Variants in MSL2 observed in about 807,000 individuals in gnomAD.
MSL2 encodes MSL complex subunit 2, also known as E3 ubiquitin-protein ligase MSL2.
Under a neutral mutation model 35.8 loss-of-function variants are expected in MSL2, and 2 were observed. The ratio of observed to expected loss-of-function variants is 0.06; its 90% confidence interval spans 0.02 to 0.18. The LOEUF is 0.18. Among genes scored for constraint, MSL2 ranks in the 10% least tolerant of loss-of-function variants. The probability of loss-of-function intolerance (pLI) is 1.00; values close to 1 mark genes in which losing one functional copy is unlikely to be tolerated. For missense variants in MSL2, 523 were observed against 706.7 expected, an observed-to-expected ratio of 0.74 and a Z score of 2.95; for synonymous variants, 296 against 255.7, an observed-to-expected ratio of 1.16 and a Z score of -1.50.
Position 136,151,004 on chromosome 3 carries a change from T to TAAC in MSL2, c.*140_*142dup. On this transcript the variant is annotated 3_prime_UTR_variant, in exon 2 of 2. Coordinates refer to ENST00000309993, the MANE Select transcript of MSL2 (RefSeq NM_018133.4). The surrounding 1 kb of genome is among the most constrained non-coding windows in gnomAD (Gnocchi z 5.2). ...TATCTGCAAACTATTTCCCCGACAC[T>TAAC]AACACATATAACTTAGCAATGAAAA... is the stretch of plus-strand genomic sequence containing the variant. 1.1e-6 allele frequency: 1 copy of TAAC among 880,550 alleles called. No individual in the cohort carries two copies. The highest frequency in any genetic ancestry group is 2.4e-5 in the East Asian group (1 of 40,882). 54.5% of individuals were successfully genotyped at this position (880,550 alleles called of 1,614,324 possible).
chr3:136,149,902 A>G lies in MSL2; in HGVS notation c.*1245T>C, dbSNP rs1939299240. ...AAAGCTGCAGCTCTTCTTTTAAATC[A>G]CAGGTTATTTCATTACACCTAGTCA... On this transcript the variant is annotated 3_prime_UTR_variant, in exon 2 of 2. Coordinates refer to ENST00000309993, the MANE Select transcript of MSL2 (RefSeq NM_018133.4). 1 of 152,550 alleles carries G rather than the reference A, an allele frequency of 6.6e-6. No homozygotes were observed. The highest frequency in any genetic ancestry group is 2.1e-4 in the South Asian group (1 of 4,836). The allele number at this position is 152,550 out of a possible 1,614,324, so 9.4% of individuals were successfully genotyped here. A position where few individuals can be genotyped will look rare whatever the true frequency, so the allele number is the denominator to read the frequency against.
intron 1 of MSL2, chr3:136,155,795 C>T (rs1277263755): frequency 5.3e-6 from 3 of 570,264 alleles, no homozygotes; most frequent in Non-Finnish European, 1.1e-5. Flanking sequence ...TGGGTCTGTG[C>T]CCCGTGACAC....
chr3:136,179,929 G>T (rs1450725201), intron 1 of MSL2, among the ~76,000 whole-genome samples: 1 of 152,168 alleles, frequency 6.6e-6, no homozygotes, highest in Non-Finnish European at 1.5e-5. Context: ...AGCCAGGCGT[G>T]GTGGCGGGGG....
intron 1 of MSL2, among the ~76,000 whole-genome samples, chr3:136,180,808 G>GGGAGGAAGGAA (rs1940331506): frequency 1.9e-5 from 1 of 53,018 alleles, no homozygotes. Flanking sequence ...GAGGGAGGGA[G>GGGAGGAAGGAA]GGAAGGAGGG....
At chr3:136,162,627 A>C (rs1156777281) in intron 1 of MSL2, among the ~76,000 whole-genome samples, 1 of 152,180 alleles carries the variant, frequency 6.6e-6, no homozygotes, top group Non-Finnish European at 1.5e-5. Context: ...GACAGAACAA[A>C]GTGAAATAGG....
In MSL2 at chr3:136,152,577, A is replaced by C. The variant is rs1433331212; in HGVS notation, c.304T>G (p.Cys102Gly). The stretch of plus-strand genomic sequence containing the variant: ...ATATACTCGCATAGTTTTTTGTAGC[A>C]GTTCACTAGGATGCTTAACTGCTTG... ...ENKQLSILVN[C>G]YKKLCEYITQ... Residue 102 changes from cysteine to glycine, a missense_variant, in exon 2 of 2, where the codon TGC becomes GGC. Cys to Gly is a radical substitution (Grantham distance 159). Around this residue, in one of 5 missense-constraint regions of MSL2, gnomAD observed 41 missense variants for 83.3 expected, o/e 0.49. Transcript: ENST00000309993. The C allele has an allele frequency of 6.2e-7, 1 of 1,614,068 alleles. No individual in the cohort carries two copies. Among genetic ancestry groups the C allele is most frequent in the Non-Finnish European group, 8.5e-7 (1 of 1,180,046 alleles).
intron 1 of MSL2, among the ~76,000 whole-genome samples, chr3:136,192,330 C>A (rs7349597): frequency 6.6e-6 from 1 of 151,936 alleles, no homozygotes. Context: ...AGGCACCTGC[C>A]ACCACACCCA....
At chr3:136,179,329 G>C (rs1940272170) in intron 1 of MSL2, among the ~76,000 whole-genome samples, 2 of 152,064 alleles carry the variant, frequency 1.3e-5, no homozygotes, top group African/African-American at 4.8e-5. Flanking sequence ...TGGGATTACA[G>C]GCAGGGACCA....
intron 1 of MSL2, among the ~76,000 whole-genome samples, chr3:136,187,437 A>C (rs1940556846): frequency 6.6e-6 from 1 of 151,890 alleles, no homozygotes; most frequent in Non-Finnish European, 1.5e-5. Context: ...TCGAGGTGGG[A>C]GGATGACCTG....
chr3:136,162,985 T>TC (rs1238266831), intron 1 of MSL2, among the ~76,000 whole-genome samples: 1 of 151,266 alleles, frequency 6.6e-6, no homozygotes, highest in Non-Finnish European at 1.5e-5. Flanking sequence ...TTTTTTTTTT[T>TC]CAGTAGGGAG....
At chr3:136,169,248 G>GGGGGGGGGGGT (rs1939944187) in intron 1 of MSL2, among the ~76,000 whole-genome samples, 1 of 52,480 alleles carries the variant, frequency 1.9e-5, no homozygotes, top group Non-Finnish European at 4.4e-5. Context: ...GGGGGGGGGG[G>GGGGGGGGGGGT]GGGGTGCTTA....
chr3:136,168,553 T>G (rs138759294), intron 1 of MSL2, among the ~76,000 whole-genome samples: 3 of 151,458 alleles, frequency 2.0e-5, no homozygotes, highest in African/African-American at 7.3e-5. Flanking sequence ...TAAGTGGGAG[T>G]TGAACAATGA....
chr3:136,193,773 C>T (rs1041515189), intron 1 of MSL2, among the ~76,000 whole-genome samples: 2 of 152,100 alleles, frequency 1.3e-5, no homozygotes, highest in Admixed American at 6.6e-5. Flanking sequence ...GGCGACTATT[C>T]CTCTAAGGTG....
intron 1 of MSL2, 52 bp downstream of exon 1, chr3:136,194,920 A>G: frequency 6.2e-7 from 1 of 1,611,652 alleles, no homozygotes; most frequent in Non-Finnish European, 8.5e-7. Context: ...ACCACTGCCC[A>G]GAAGGCTTTT....
chr3:136,185,943 GA>G (rs1382673385), intron 1 of MSL2, among the ~76,000 whole-genome samples: 1 of 151,654 alleles, frequency 6.6e-6, no homozygotes, highest in Non-Finnish European at 1.5e-5. Context: ...GTAACTTGGG[GA>G]AAATGGAAGC....
At position 136,195,587 on chromosome 3, in the gene MSL2, C is replaced by T. The variant is rs370126648; in HGVS notation, c.-474G>A. 109 of 987,978 alleles carry T rather than the reference C, an allele frequency of 1.1e-4. 2 individuals carry two copies. The East Asian group carries it at 0.011, about 102-fold the overall frequency. The allele number at this position is 987,978 out of a possible 1,614,324, so 61.2% of individuals were successfully genotyped here. ...CGGGCTGCAGGGCCTCTTACTCCAT[C>T]CCAGTACAGGGCGCGGAGGCGGCGG... On this transcript the variant is annotated 5_prime_UTR_variant, in exon 1 of 2. Transcript: ENST00000309993.
intron 1 of MSL2, among the ~76,000 whole-genome samples, chr3:136,190,755 T>C (rs1171978027): frequency 6.6e-6 from 1 of 152,172 alleles, no homozygotes; most frequent in African/African-American, 2.4e-5. Flanking sequence ...AGTCTCATCT[T>C]ATCAAAAGAA....
At position 136,196,071 on chromosome 3, in the gene MSL2, ACCGCCAGGCCCCGCCG is replaced by A. The variant is rs1940838547; in HGVS notation, c.-974_-959del. The A allele has an allele frequency of 1.3e-5, 2 of 154,874 alleles. No homozygotes were observed. The highest frequency in any genetic ancestry group is 1.4e-5 in the Non-Finnish European group (1 of 70,664). The allele number at this position is 154,874 out of a possible 1,614,324, so 9.6% of individuals were successfully genotyped here. On this transcript the variant is annotated 5_prime_UTR_variant, in exon 1 of 2. Transcript: ENST00000309993. ...CCGGCCGCGGAAGGCAAGCGCTCAC[ACCGCCAGGCCCCGCCG>A]CCGCCCAGCGCACACAGCAAGGCCC...
chr3:136,159,646 A>G (rs979478828), intron 1 of MSL2, among the ~76,000 whole-genome samples: 9 of 151,588 alleles, frequency 5.9e-5, no homozygotes, highest in African/African-American at 1.7e-4. Context: ...CTGCGATTAC[A>G]GGCGTGAGCC....
Sources: gnomAD v4.1 joint callset for allele counts (sites outside exome capture counted in the v4.1 genomes callset) on GRCh38, gnomAD v4.1.1 for gene constraint, gnomAD v4.1.1 regional missense constraint, Gnocchi (gnomAD v3.1) non-coding constraint, MANE v1.5 for transcripts, NCBI Gene and HGNC (gene_info 2026-07-23, HGNC 2026-07-21) for gene names.